THSD4: variants seen among roughly 807,000 people sequenced by gnomAD.
THSD4 encodes thrombospondin type-1 domain-containing protein 4.
THSD4 carries 69 observed loss-of-function variants against 119.0 expected under a neutral mutation model. That is an observed-to-expected ratio of 0.58 (90% confidence interval 0.48 to 0.71). The LOEUF is 0.71. THSD4 is among the 30% of genes least tolerant of loss of function. THSD4 has a pLI of 0.00. For synonymous variants in THSD4, 524 were observed against 540.4 expected (o/e 0.97, Z 0.42); for missense variants, 1,393 against 1,391.1 (o/e 1.00, Z -0.02).
At position 71,281,400 on chromosome 15, in the gene THSD4, T is replaced by C. The variant is rs149118664; in HGVS notation, c.1015+24685T>C. Reference sequence around the variant, plus strand: ...ACAGGAAAACGCATATGGCTCTCCATAGAAATGTGATTCAAGCGAAAGCTG... The same window carrying C: ...ACAGGAAAACGCATATGGCTCTCCACAGAAATGTGATTCAAGCGAAAGCTG... On this transcript the variant is annotated intron_variant, in intron 6 of 17. Transcript: ENST00000261862. 9.2e-4 allele frequency among the ~76,000 whole-genome samples: 140 copies of C among 152,344 alleles called. 2 individuals are homozygous for C. Among genetic ancestry groups the C allele is most frequent in the African/African-American group, 3.2e-3 (132 of 41,572 alleles).
At chr15:71,308,162 T>C (rs1053122951) in intron 6 of THSD4, among the ~76,000 whole-genome samples, 7 of 152,200 alleles carry the variant, frequency 4.6e-5, no homozygotes, top group African/African-American at 2.4e-5. Flanking sequence ...AACACTCTTA[T>C]CAGGACAGTA....
chr15:71,568,306 C>T (rs773476802), intron 7 of THSD4, among the ~76,000 whole-genome samples: 2 of 152,062 alleles, frequency 1.3e-5, no homozygotes, highest in African/African-American at 2.4e-5. Context: ...TTCAAAGTGG[C>T]CACAGAGACA....
chr15:71,615,272 G>A (rs746730699), intron 7 of THSD4, among the ~76,000 whole-genome samples: 1 of 152,042 alleles, frequency 6.6e-6, no homozygotes, highest in African/African-American at 2.4e-5. Flanking sequence ...AGATAAACAG[G>A]GTCCCCTGGT....
Position 71,265,767 on chromosome 15 carries a change from G to T in THSD4, c.1015+9052G>T, listed in dbSNP as rs755393848. On this transcript the variant is annotated intron_variant, in intron 6 of 17. Coordinates refer to ENST00000261862, the MANE Select transcript of THSD4 (RefSeq NM_024817.3). ...CGACCTTAGACGCTTGAGCTTTGTG[G>T]GGGGGGAGGGGCATCTGCCATTACT... Among the ~76,000 whole-genome samples, 10 of 152,250 alleles carry T rather than the reference G, an allele frequency of 6.6e-5. No individual in the cohort carries two copies. The South Asian group carries it at 8.3e-4, about 13-fold the overall frequency.
In THSD4 at chr15:71,283,764, A is replaced by G. The variant is rs1393919195; in HGVS notation, c.1015+27049A>G. Among the ~76,000 whole-genome samples, 3 of 152,304 alleles carry G rather than the reference A, an allele frequency of 2.0e-5. No homozygotes were observed. The East Asian group carries it at 5.8e-4, about 29-fold the overall frequency. On this transcript the variant is annotated intron_variant, in intron 6 of 17. Transcript: ENST00000261862. Reference sequence around the variant, plus strand: ...GTCATCATGGGAAATTTTTTGCCCTATTTTTAAAATTCATATTTCTACATA... The same window carrying G: ...GTCATCATGGGAAATTTTTTGCCCTGTTTTTAAAATTCATATTTCTACATA...
intron 4 of THSD4, among the ~76,000 whole-genome samples, chr15:71,238,494 T>C (rs2044125618): frequency 6.6e-6 from 1 of 152,216 alleles, no homozygotes; most frequent in Non-Finnish European, 1.5e-5. Context: ...CCCCAATCCC[T>C]GGAAACCACT....
At chr15:71,728,931 C>T in intron 9 of THSD4, 1 of 617,964 alleles carries the variant, frequency 1.6e-6, no homozygotes, top group Non-Finnish European at 2.8e-6. Context: ...CCTCCAACTC[C>T]ACCAGATGCT....
intron 3 of THSD4, among the ~76,000 whole-genome samples, chr15:71,195,654 A>T (rs1430200074): frequency 1.3e-5 from 2 of 152,150 alleles, no homozygotes; most frequent in Non-Finnish European, 2.9e-5. Context: ...GGTACTGAGG[A>T]TCCACTGAAG....
chr15:71,284,200 C>A (rs1264377171), intron 6 of THSD4, among the ~76,000 whole-genome samples: 1 of 152,026 alleles, frequency 6.6e-6, no homozygotes, highest in Admixed American at 6.6e-5. Flanking sequence ...TAGTGTATGC[C>A]TGTTTGTCTT....
intron 1 of THSD4, among the ~76,000 whole-genome samples, chr15:71,137,961 A>G (rs887943881): frequency 1.3e-5 from 2 of 152,206 alleles, no homozygotes; most frequent in African/African-American, 2.4e-5. Flanking sequence ...TCCGGTTGAC[A>G]TCTTATCAGA....
chr15:71,363,462 G>A (rs116791074), intron 6 of THSD4, among the ~76,000 whole-genome samples: 1 of 152,120 alleles, frequency 6.6e-6, no homozygotes, highest in African/African-American at 2.4e-5. Flanking sequence ...TGATCCCTGG[G>A]CAGGGGAGAC....
chr15:71,552,232 A>G (rs1246051841), intron 7 of THSD4, among the ~76,000 whole-genome samples: 1 of 152,198 alleles, frequency 6.6e-6, no homozygotes, highest in Non-Finnish European at 1.5e-5. Flanking sequence ...CTCTGGGCCT[A>G]TGAAAGTTCT....
chr15:71,276,353 T>C (rs766442188), intron 6 of THSD4, among the ~76,000 whole-genome samples: 6 of 152,234 alleles, frequency 3.9e-5, no homozygotes, highest in Non-Finnish European at 7.3e-5. Context: ...TGCTGAATAA[T>C]TTTATTTCCT....
At chr15:71,155,018 A>G in intron 3 of THSD4, 86 bp downstream of exon 3, 1 of 1,282,316 alleles carries the variant, frequency 7.8e-7, no homozygotes, top group Non-Finnish European at 1.1e-6. Context: ...GTTCTGTTTG[A>G]AGGTGAGTCA....
chr15:71,745,428 G>T (rs1319888745), intron 12 of THSD4, among the ~76,000 whole-genome samples, 193 bp downstream of exon 12: 1 of 152,204 alleles, frequency 6.6e-6, no homozygotes, highest in Non-Finnish European at 1.5e-5. Context: ...ATAGCCTTTA[G>T]CAAGTCAACC....
intron 3 of THSD4, among the ~76,000 whole-genome samples, chr15:71,198,459 C>G (rs760829470): frequency 3.3e-5 from 5 of 152,208 alleles, no homozygotes; most frequent in Non-Finnish European, 7.3e-5. Context: ...AGGCCTATAT[C>G]CAGGACACTG....
intron 8 of THSD4, among the ~76,000 whole-genome samples, chr15:71,712,432 T>C (rs2052535511): frequency 6.6e-6 from 1 of 152,094 alleles, no homozygotes; most frequent in Non-Finnish European, 1.5e-5. Context: ...AGAGCTCAAA[T>C]CAATAATGTG....
At chr15:71,242,144 G>A (rs537221137) in intron 4 of THSD4, among the ~76,000 whole-genome samples, 3 of 152,044 alleles carry the variant, frequency 2.0e-5, no homozygotes, top group South Asian at 2.1e-4. Flanking sequence ...GTTCCATTAC[G>A]TAGAAAAGCT....
intron 6 of THSD4, among the ~76,000 whole-genome samples, chr15:71,391,337 C>T (rs368017355): frequency 5.1e-4 from 78 of 152,152 alleles, no homozygotes; most frequent in Non-Finnish European, 6.0e-4. Context: ...CAACTCATGC[C>T]GGCTAATTTT....
Sources: gnomAD v4.1 joint callset for allele counts (sites outside exome capture counted in the v4.1 genomes callset) on GRCh38, gnomAD v4.1.1 for gene constraint, MANE v1.5 for transcripts, NCBI Gene and HGNC (gene_info 2026-07-23, HGNC 2026-07-21) for gene names.